EFR3B: variants seen among roughly 807,000 people sequenced by gnomAD.
EFR3B encodes the protein EFR3 homolog B, also known as protein EFR3 homolog B.
A neutral mutation model predicts 104.7 loss-of-function variants in EFR3B; 64 were observed. The ratio of observed to expected loss-of-function variants is 0.61; its 90% CI spans 0.50 to 0.75. The LOEUF (loss-of-function observed/expected upper bound fraction) is 0.75. Ranked by LOEUF, EFR3B falls within the 30% of genes least tolerant of loss-of-function variation. The pLI, the probability that EFR3B is intolerant of heterozygous loss-of-function variation, is 0.00. For synonymous variants in EFR3B, 385 were observed against 417.9 expected (o/e 0.92, Z 0.96); for missense variants, 750 against 1,078.5 (o/e 0.70, Z 4.27).
At chr2:25,112,943 A>T (rs1669760655) in intron 4 of EFR3B, among the ~76,000 whole-genome samples, 1 of 151,808 alleles carries the variant, frequency 6.6e-6, no homozygotes, top group Non-Finnish European at 1.5e-5. Context: ...GCCTGTGATA[A>T]GACCGGGAGA....
At chr2:25,125,608 C>T (rs1670140567) in intron 5 of EFR3B, among the ~76,000 whole-genome samples, 1 of 152,154 alleles carries the variant, frequency 6.6e-6, no homozygotes, top group Non-Finnish European at 1.5e-5. Flanking sequence ...CCTCCAGCCA[C>T]AGTTCCTCGG....
chr2:25,106,201 T>G (rs1573206630), intron 4 of EFR3B, among the ~76,000 whole-genome samples: 1 of 152,116 alleles, frequency 6.6e-6, no homozygotes, highest in African/African-American at 2.4e-5. Flanking sequence ...TTCACAGGGA[T>G]TCAGGGCTTT....
chr2:25,154,297 T>A lies in EFR3B; in HGVS notation c.2411T>A (p.Ile804Asn), dbSNP rs1301930816. ...TACGGTCAGCCGCAGAACCACTCCATCCCCGTCTATGAAATGAAGTTTCCC... is the reference window on the plus strand; with the variant it reads ...TACGGTCAGCCGCAGAACCACTCCAACCCCGTCTATGAAATGAAGTTTCCC... ...AAYGQPQNHS[I>N]PVYEMKFPDL... The change falls in exon 23 of 23, where the codon ATC becomes AAC. Residue 804 changes from isoleucine (I) to asparagine (N), a missense_variant. Ile to Asn is a moderately radical substitution (Grantham distance 149). Coordinates refer to ENST00000403714, the MANE Select transcript of EFR3B (RefSeq NM_014971.2). This position sits in a 1 kb window ranked among gnomAD's most constrained non-coding sequence, Gnocchi z 4.1. 6.4e-7 allele frequency: 1 copy of A among 1,551,978 alleles called. No individual in the cohort carries two copies. The highest frequency in any genetic ancestry group is 1.2e-5 in the South Asian group (1 of 84,054).
intron 1 of EFR3B, among the ~76,000 whole-genome samples, chr2:25,079,211 C>G (rs1321423058): frequency 2.6e-5 from 4 of 152,170 alleles, no homozygotes; most frequent in Admixed American, 2.6e-4. Flanking sequence ...AAATATTTGC[C>G]TTAGAGCTAC....
intron 17 of EFR3B, among the ~76,000 whole-genome samples, chr2:25,142,439 ACT>A (rs1376835705): frequency 7.1e-6 from 1 of 140,294 alleles, no homozygotes; most frequent in Non-Finnish European, 1.5e-5. Flanking sequence ...ACAGAGCAAG[ACT>A]CTGTCTAAAA....
chr2:25,116,246 C>T (rs1355000398), intron 4 of EFR3B: 2 of 152,220 alleles, frequency 1.3e-5, no homozygotes, highest in Admixed American at 6.5e-5. Flanking sequence ...TCACACAGTT[C>T]CTGTTACTCC....
chr2:25,158,337 G>A lies in EFR3B; in HGVS notation c.*3997G>A, dbSNP rs1671230298. On this transcript the variant is annotated 3_prime_UTR_variant, in exon 23 of 23. Transcript: ENST00000403714. ...TAGGTTTAAAGGTAGACAGGGAGAT[G>A]GCATCATCAGGGCAGGCCAGGCCCA... is the stretch of plus-strand genomic sequence containing the variant. 6.6e-6 allele frequency: 1 copy of A among 152,270 alleles called. No individual in the cohort carries two copies. The highest frequency in any genetic ancestry group is 1.5e-5 in the Non-Finnish European group (1 of 68,076). The allele number at this position is 152,270 out of a possible 1,614,324, so 9.4% of individuals were successfully genotyped here. A position where few individuals can be genotyped will look rare whatever the true frequency, so the allele number is the denominator to read the frequency against.
At chr2:25,044,371 G>A (rs1667661870) in intron 1 of EFR3B, among the ~76,000 whole-genome samples, 1 of 152,164 alleles carries the variant, frequency 6.6e-6, no homozygotes, top group South Asian at 2.1e-4. Flanking sequence ...AAAAGAAAGG[G>A]TTCATGTGAT....
chr2:25,101,487 T>G (rs1406323744), intron 3 of EFR3B, among the ~76,000 whole-genome samples: 1 of 152,126 alleles, frequency 6.6e-6, no homozygotes, highest in Non-Finnish European at 1.5e-5. Context: ...TAGCTGGGAT[T>G]ACAGGCATAC....
intron 3 of EFR3B, among the ~76,000 whole-genome samples, chr2:25,095,679 G>C (rs1459340802): frequency 1.3e-5 from 2 of 152,120 alleles, no homozygotes; most frequent in East Asian, 3.9e-4. Flanking sequence ...CTGGGCAACA[G>C]AGCGAGACCC....
chr2:25,128,101 C>A, intron 5 of EFR3B, 82 bp from the exon 6 acceptor site: 1 of 1,482,628 alleles, frequency 6.7e-7, no homozygotes, highest in African/African-American at 1.4e-5. Context: ...GACTCCTAAG[C>A]TGTGCTCTTC....
chr2:25,042,281 C>A lies in EFR3B; in HGVS notation c.-32C>A. ...GCTGGCTGGGAACGCCGCAGCGACGCCGGCCTCTCGAGAGGCGCGCGCCCC... is the reference window on the plus strand; with the variant it reads ...GCTGGCTGGGAACGCCGCAGCGACGACGGCCTCTCGAGAGGCGCGCGCCCC... On this transcript the variant is annotated 5_prime_UTR_variant, in exon 1 of 23. Coordinates refer to ENST00000403714, the MANE Select transcript of EFR3B (RefSeq NM_014971.2). This position sits in a 1 kb window ranked among gnomAD's most constrained non-coding sequence, Gnocchi z 5.4. 1 of 1,308,914 alleles carries A rather than the reference C, an allele frequency of 7.6e-7. No homozygotes were observed. Among genetic ancestry groups the A allele is most frequent in the Non-Finnish European group, 9.7e-7 (1 of 1,029,716 alleles). 81.1% of individuals were successfully genotyped at this position (1,308,914 alleles called of 1,614,324 possible). A position where few individuals can be genotyped will look rare whatever the true frequency, so the allele number is the denominator to read the frequency against.
At chr2:25,045,870 G>A (rs977731799) in intron 1 of EFR3B, among the ~76,000 whole-genome samples, 2 of 152,230 alleles carry the variant, frequency 1.3e-5, no homozygotes, top group Middle Eastern at 6.8e-3. Context: ...AGGTGAAACA[G>A]AGCTCTGAGA....
intron 5 of EFR3B, among the ~76,000 whole-genome samples, chr2:25,124,277 AGTGTGTGTGT>A (rs5829961): frequency 0.34 from 41,906 of 124,686 alleles, 7,322 homozygotes; most frequent in Admixed American, 0.47. Flanking sequence ...TGTGCATGCA[AGTGTGTGTGT>A]GTGTGTGTGT....
intron 4 of EFR3B, among the ~76,000 whole-genome samples, chr2:25,106,137 C>T (rs1190267531): frequency 6.6e-6 from 1 of 152,198 alleles, no homozygotes; most frequent in Non-Finnish European, 1.5e-5. Flanking sequence ...GACCTGCTAG[C>T]ATGCTAGTGC....
intron 1 of EFR3B, among the ~76,000 whole-genome samples, chr2:25,073,402 G>A (rs917299264): frequency 4.8e-5 from 7 of 146,010 alleles, no homozygotes; most frequent in Admixed American, 7.1e-5. Context: ...CTATTACCCA[G>A]TCTGGAGTAC....
At chr2:25,054,098 C>T (rs2149165478) in intron 1 of EFR3B, among the ~76,000 whole-genome samples, 1 of 152,276 alleles carries the variant, frequency 6.6e-6, no homozygotes, top group South Asian at 2.1e-4. Context: ...AATTGATGGA[C>T]ACGTGGTGGT....
intron 1 of EFR3B, among the ~76,000 whole-genome samples, chr2:25,047,926 T>C (rs773468634): frequency 6.6e-6 from 1 of 152,226 alleles, no homozygotes; most frequent in Non-Finnish European, 1.5e-5. Context: ...ATCGAATCCC[T>C]CTAGAAAATC....
At chr2:25,152,109 T>G in intron 21 of EFR3B, 89 bp downstream of exon 21, 1 of 1,351,516 alleles carries the variant, frequency 7.4e-7, no homozygotes, top group Non-Finnish European at 1.0e-6. Context: ...TAGGAGATCT[T>G]GGCTCTTTGA....
Sources: allele counts gnomAD v4.1 joint callset (sites outside exome capture counted in the v4.1 genomes callset), GRCh38; gene constraint gnomAD v4.1.1; non-coding constraint Gnocchi (gnomAD v3.1); transcripts MANE v1.5; gene names NCBI Gene and HGNC (gene_info 2026-07-23, HGNC 2026-07-21).